The following EPB41L4B variants were observed in gnomAD, a reference collection of about 807,000 sequenced individuals.
EPB41L4B encodes the protein band 4.1-like protein 4B.
A neutral mutation model predicts 112.5 loss-of-function variants in EPB41L4B; 30 were observed. The ratio of observed to expected loss-of-function variants is 0.27; its 90% CI spans 0.20 to 0.36. The LOEUF is 0.36. Ranked by LOEUF, EPB41L4B falls within the 10% of genes least tolerant of loss-of-function variation. The pLI, the probability that EPB41L4B is intolerant of heterozygous loss-of-function variation, is 1.00. For missense variants in EPB41L4B, 1,024 were observed against 1,133.3 expected (o/e 0.90, Z 1.38); for synonymous variants, 408 against 439.7 (o/e 0.93, Z 0.90).
intron 13 of EPB41L4B, among the ~76,000 whole-genome samples, chr9:109,250,917 G>A (rs1028155856): frequency 3.3e-5 from 5 of 152,226 alleles, no homozygotes; most frequent in Admixed American, 6.5e-5. Context: ...CAACAGCAGA[G>A]GTGAGTAGCT....
intron 1 of EPB41L4B, among the ~76,000 whole-genome samples, chr9:109,289,132 C>A (rs76581871): frequency 0.011 from 1,732 of 152,262 alleles, 32 homozygotes; most frequent in African/African-American, 0.04. Flanking sequence ...GAATAAAGTG[C>A]AGGTTCCTCA....
intron 22 of EPB41L4B, among the ~76,000 whole-genome samples, chr9:109,191,955 G>T (rs1832474346): frequency 6.6e-6 from 1 of 152,164 alleles, no homozygotes; most frequent in African/African-American, 2.4e-5. Flanking sequence ...CCCACGGGTG[G>T]GCATGCAGGG....
At chr9:109,194,173 T>C in intron 21 of EPB41L4B, 47 bp downstream of exon 21, 1 of 1,584,176 alleles carries the variant, frequency 6.3e-7, no homozygotes, top group South Asian at 1.1e-5. Flanking sequence ...TGATACTGAA[T>C]TCCCAGCAAG....
intron 1 of EPB41L4B, among the ~76,000 whole-genome samples, chr9:109,287,480 A>T (rs1386585434): frequency 6.6e-6 from 1 of 152,322 alleles, no homozygotes; most frequent in Admixed American, 6.5e-5. Flanking sequence ...AGGAGGAAAT[A>T]AGCTGTATGT....
intron 15 of EPB41L4B, among the ~76,000 whole-genome samples, chr9:109,230,054 C>T (rs1352095336): frequency 6.6e-6 from 1 of 152,182 alleles, no homozygotes; most frequent in Middle Eastern, 3.2e-3. Context: ...AACACCAGTG[C>T]AGTAATCATG....
In EPB41L4B at chr9:109,246,262, C is replaced by T. The variant is rs138611313; in HGVS notation, c.1344+1494G>A. Reference sequence around the variant, plus strand: ...ATTAAAAATGTAAAAATTAGCCGGGCGTGGTGGCATACACCTATAACCCCA... The same window carrying T: ...ATTAAAAATGTAAAAATTAGCCGGGTGTGGTGGCATACACCTATAACCCCA... On this transcript the variant is annotated intron_variant, in intron 14 of 25. Transcript: ENST00000374566. Among the ~76,000 whole-genome samples, 125 of 152,188 alleles carry T rather than the reference C, an allele frequency of 8.2e-4. 1 individual carries two copies. The highest frequency in any genetic ancestry group is 2.9e-3 in the African/African-American group (120 of 41,508).
intron 2 of EPB41L4B, among the ~76,000 whole-genome samples, chr9:109,275,611 C>A (rs1270468859): frequency 6.6e-6 from 1 of 152,166 alleles, no homozygotes. Flanking sequence ...CCTCACACTG[C>A]CCAGCTACAA....
chr9:109,256,279 C>A, intron 8 of EPB41L4B, 55 bp from the exon 9 acceptor site: 1 of 1,588,456 alleles, frequency 6.3e-7, no homozygotes, highest in South Asian at 1.1e-5. Context: ...CGTCACACAG[C>A]AGAATGCAAA....
At chr9:109,180,852 A>G (rs1832027706) in intron 24 of EPB41L4B, among the ~76,000 whole-genome samples, 1 of 152,082 alleles carries the variant, frequency 6.6e-6, no homozygotes. Flanking sequence ...GGAGGTGTGG[A>G]CCCCAGATTC....
intron 20 of EPB41L4B, among the ~76,000 whole-genome samples, chr9:109,197,298 C>T (rs999962882): frequency 3.3e-5 from 5 of 152,138 alleles, no homozygotes; most frequent in Non-Finnish European, 7.3e-5. Context: ...TGGCACACGC[C>T]TGTAATCCCA....
intron 2 of EPB41L4B, among the ~76,000 whole-genome samples, chr9:109,274,255 C>T (rs1835732071): frequency 6.6e-6 from 1 of 152,132 alleles, no homozygotes; most frequent in Non-Finnish European, 1.5e-5. Context: ...CACATCTACC[C>T]TCCAGGACAC....
At chr9:109,211,905 G>GGC (rs564183520) in intron 17 of EPB41L4B, among the ~76,000 whole-genome samples, 2 of 31,050 alleles carry the variant, frequency 6.4e-5, no homozygotes, top group African/African-American at 5.3e-4. Context: ...TAGTAGAGAT[G>GGC]GGGGGGGTCT....
At chr9:109,244,602 C>T (rs1355304577) in intron 14 of EPB41L4B, among the ~76,000 whole-genome samples, 1 of 151,824 alleles carries the variant, frequency 6.6e-6, no homozygotes, top group Non-Finnish European at 1.5e-5. Context: ...CCACACCCCG[C>T]TAATTTTGAA....
intron 22 of EPB41L4B, among the ~76,000 whole-genome samples, chr9:109,192,064 C>A (rs1029639603): frequency 6.6e-6 from 1 of 152,124 alleles, no homozygotes; most frequent in African/African-American, 2.4e-5. Context: ...CCACAACTAC[C>A]CTCGGAGCAA....
intron 1 of EPB41L4B, among the ~76,000 whole-genome samples, chr9:109,314,602 C>A (rs188767942): frequency 6.6e-6 from 1 of 150,498 alleles, no homozygotes; most frequent in Non-Finnish European, 1.5e-5. Context: ...CACGACACCC[C>A]CTTTGGGAAG....
Position 109,267,567 on chromosome 9 carries a change from T to C in EPB41L4B, c.455-16A>G, listed in dbSNP as rs375128928. On this transcript the variant is annotated splice_polypyrimidine_tract_variant and intron_variant, in intron 3 of 25. Coordinates refer to ENST00000374566, the MANE Select transcript of EPB41L4B (RefSeq NM_019114.5). ...GCAGGTCCAACTAAACATTTGGAGATGGAAGGTTGAAGATGTTTTTCCCCC... is the reference window on the plus strand; with the variant it reads ...GCAGGTCCAACTAAACATTTGGAGACGGAAGGTTGAAGATGTTTTTCCCCC... 200 of 1,553,806 alleles carry C rather than the reference T, an allele frequency of 1.3e-4. No individual in the cohort carries two copies. Among genetic ancestry groups the C allele is most frequent in the Non-Finnish European group, 1.7e-4 (193 of 1,126,188 alleles).
chr9:109,236,920 G>A (rs185851093), intron 15 of EPB41L4B, among the ~76,000 whole-genome samples: 4 of 152,308 alleles, frequency 2.6e-5, no homozygotes, highest in East Asian at 1.9e-4. Flanking sequence ...TTCCTGGTAC[G>A]TTTGGAAGAC....
intron 1 of EPB41L4B, among the ~76,000 whole-genome samples, chr9:109,297,687 C>T (rs1836789700): frequency 6.6e-6 from 1 of 152,232 alleles, no homozygotes; most frequent in African/African-American, 2.4e-5. Context: ...CCCCTGGATG[C>T]TTTGCACGGT....
At chr9:109,256,902 T>C (rs973198085) in intron 7 of EPB41L4B, among the ~76,000 whole-genome samples, 9 of 152,164 alleles carry the variant, frequency 5.9e-5, no homozygotes, top group African/African-American at 2.2e-4. Context: ...AGATCCAAGA[T>C]CGTGCCATTG....
Sources: gnomAD v4.1 joint callset for allele counts (sites outside exome capture counted in the v4.1 genomes callset) on GRCh38, gnomAD v4.1.1 for gene constraint, MANE v1.5 for transcripts, NCBI Gene and HGNC (gene_info 2026-07-23, HGNC 2026-07-21) for gene names.